Variants in DMD observed in about 807,000 individuals in gnomAD.
The protein encoded by DMD is mutant dystrophin.
A neutral mutation model predicts 330.1 loss-of-function variants in DMD; 63 were observed. The observed-to-expected ratio is 0.19, with a 90% CI of 0.16 to 0.24. The LOEUF is 0.24. Among genes scored for constraint, DMD ranks in the 10% least tolerant of loss-of-function variants. The pLI, the probability that DMD is intolerant of heterozygous loss-of-function variation, is 1.00. For synonymous variants in DMD, 1,223 were observed against 959.8 expected (o/e 1.27, Z -5.07); for missense variants, 3,344 against 2,684.1 (o/e 1.25, Z -5.43).
At chrX:32,539,372 A>C (rs1217010980) in intron 17 of DMD, among the ~76,000 whole-genome samples, 5 of 111,108 alleles carry the variant, frequency 4.5e-5, no homozygotes, top group African/African-American at 6.5e-5. Context: ...TTAACCTGTA[A>C]ACATGCATAA....
intron 7 of DMD, among the ~76,000 whole-genome samples, chrX:32,702,227 G>A (rs1428643675): frequency 2.7e-5 from 3 of 112,104 alleles, no homozygotes; most frequent in Non-Finnish European, 5.6e-5. Flanking sequence ...TTTAAAATGT[G>A]TTCCTCTAAT....
At chrX:31,318,821 G>A (rs1409961212) in intron 62 of DMD, among the ~76,000 whole-genome samples, 1 of 112,009 alleles carries the variant, frequency 8.9e-6, no homozygotes, top group Non-Finnish European at 1.9e-5. Flanking sequence ...ACTGCTGATG[G>A]AGTCAGCAGG....
chrX:33,161,610 CA>C (rs755802302), intron 1 of DMD, among the ~76,000 whole-genome samples: 3 of 111,067 alleles, frequency 2.7e-5, no homozygotes, highest in African/African-American at 6.5e-5. Context: ...GTATTCTTCC[CA>C]GAATAACCTT....
At chrX:32,379,493 A>G (rs1473762151) in intron 34 of DMD, among the ~76,000 whole-genome samples, 1 of 111,784 alleles carries the variant, frequency 8.9e-6, no homozygotes, top group African/African-American at 3.2e-5. Context: ...TGCTATAGTA[A>G]TCTCATGTAT....
rs181669779 is a variant in DMD at position 31,322,910 on chromosome X, T to C, written c.9224+688A>G. On this transcript the variant is annotated intron_variant, in intron 62 of 78. Transcript: ENST00000357033. The stretch of plus-strand genomic sequence containing the variant: ...ATTTAAGTTAGACTCTAGTGCACAA[T>C]GGATGAGAGACTGTGAAGGTATCGT... 5.4e-5 allele frequency among the ~76,000 whole-genome samples: 6 copies of C among 111,787 alleles called. No individual in the cohort carries two copies. In the East Asian group the frequency reaches 1.7e-3, roughly 31 times the overall value.
At chrX:32,234,746 C>T (rs771463007) in intron 43 of DMD, among the ~76,000 whole-genome samples, 1 of 111,858 alleles carries the variant, frequency 8.9e-6, no homozygotes, top group African/African-American at 3.2e-5. Flanking sequence ...TTAAATACCT[C>T]AATATGGATA....
At chrX:32,516,514 T>A (rs2045875410) in intron 18 of DMD, 1 of 111,678 alleles carries the variant, frequency 9.0e-6, no homozygotes, top group African/African-American at 3.3e-5. Context: ...TTAAAATTTA[T>A]ATTCCTGAAA....
chrX:33,005,295 C>T (rs960409840), intron 2 of DMD, among the ~76,000 whole-genome samples: 4 of 82,354 alleles, frequency 4.9e-5, no homozygotes, highest in Admixed American at 1.3e-4. Context: ...CACACACACA[C>T]GCATATATAT....
At chrX:32,114,845 C>T (rs892710142) in intron 44 of DMD, among the ~76,000 whole-genome samples, 2 of 112,385 alleles carry the variant, frequency 1.8e-5, no homozygotes, top group African/African-American at 6.5e-5. Context: ...CAGTGAAAGC[C>T]ACTGTCTGTA....
intron 44 of DMD, among the ~76,000 whole-genome samples, chrX:31,976,971 C>T (rs1162147198): frequency 9.0e-6 from 1 of 111,712 alleles, no homozygotes; most frequent in Non-Finnish European, 1.9e-5. Context: ...ATTTTCTTGT[C>T]AACACTCTCA....
chrX:33,098,889 G>A (rs1169729613), intron 1 of DMD, among the ~76,000 whole-genome samples: 1 of 111,573 alleles, frequency 9.0e-6, no homozygotes, highest in Non-Finnish European at 1.9e-5. Context: ...TTTCAAAAGA[G>A]ACAAAGGCAG....
At chrX:32,034,878 TC>T (rs200815780) in intron 44 of DMD, among the ~76,000 whole-genome samples, 5,955 of 111,883 alleles carry the variant, frequency 0.053, 143 homozygotes, top group African/African-American at 0.069. Context: ...ATATTTAACA[TC>T]CTTAAATACT....
At chrX:32,836,897 C>T (rs1200589087) in intron 4 of DMD, among the ~76,000 whole-genome samples, 2 of 111,768 alleles carry the variant, frequency 1.8e-5, no homozygotes, top group African/African-American at 3.3e-5. Flanking sequence ...ATTTTTTTTA[C>T]TATTTTCCTA....
intron 30 of DMD, among the ~76,000 whole-genome samples, chrX:32,407,147 C>T (rs906336167): frequency 9.0e-6 from 1 of 111,414 alleles, no homozygotes; most frequent in Non-Finnish European, 1.9e-5. Flanking sequence ...AACTAAAGAG[C>T]TTCTGCACAG....
chrX:32,656,896 A>G (rs1168006470), intron 9 of DMD, among the ~76,000 whole-genome samples: 2 of 111,810 alleles, frequency 1.8e-5, no homozygotes, highest in African/African-American at 6.5e-5. Context: ...ATGGAGTAAT[A>G]TGGCATAAAA....
chrX:32,485,805 G>A (rs1406556906), intron 20 of DMD, among the ~76,000 whole-genome samples: 1 of 91,477 alleles, frequency 1.1e-5, no homozygotes, highest in Non-Finnish European at 2.1e-5. Context: ...GTGCAATGAC[G>A]CGATCTTGGC....
At chrX:31,607,621 T>C (rs1363418605) in intron 55 of DMD, among the ~76,000 whole-genome samples, 1 of 112,336 alleles carries the variant, frequency 8.9e-6, no homozygotes, top group East Asian at 2.8e-4. Context: ...AGGCTCAAAT[T>C]TGATTAGGCC....
At chrX:32,649,712 G>A (rs1344271959) in intron 9 of DMD, among the ~76,000 whole-genome samples, 2 of 109,890 alleles carry the variant, frequency 1.8e-5, no homozygotes, top group African/African-American at 3.3e-5. Flanking sequence ...ATTTCTACTC[G>A]TAGAATTTCT....
chrX:33,003,764 A>G (rs1278715609), intron 2 of DMD, among the ~76,000 whole-genome samples: 4 of 112,323 alleles, frequency 3.6e-5, no homozygotes, highest in African/African-American at 9.7e-5. Context: ...CGTTTAATAT[A>G]TTATTAGAAA....
Sources: gnomAD v4.1 joint callset for allele counts (sites outside exome capture counted in the v4.1 genomes callset) on GRCh38, gnomAD v4.1.1 for gene constraint, MANE v1.5 for transcripts, NCBI Gene and HGNC (gene_info 2026-07-23, HGNC 2026-07-21) for gene names.